ELMO1: variants seen among roughly 807,000 people sequenced by gnomAD.
The protein encoded by ELMO1 is engulfment and cell motility 1, also known as engulfment and cell motility protein 1.
Under a neutral mutation model 98.9 loss-of-function variants are expected in ELMO1, and 26 were observed. The observed-to-expected ratio is 0.26, with a 90% CI of 0.19 to 0.36. The LOEUF (loss-of-function observed/expected upper bound fraction) is 0.36. ELMO1 is among the 10% of genes least tolerant of loss of function. The pLI is 1.00. For missense variants in ELMO1, 627 were observed against 935.2 expected (o/e 0.67, Z 4.30); for synonymous variants, 346 against 346.0 (o/e 1.00, Z 0.00).
chr7:37,334,880 A>C (rs2723986), intron 2 of ELMO1, among the ~76,000 whole-genome samples: 150,984 of 152,316 alleles, frequency 0.99, 74,849 homozygotes, highest in Middle Eastern at 1. Flanking sequence ...AGGGAATTAA[A>C]CCCTTCCCAA....
chr7:37,077,465 A>G (rs1055743270), intron 15 of ELMO1, among the ~76,000 whole-genome samples: 1 of 152,146 alleles, frequency 6.6e-6, no homozygotes, highest in South Asian at 2.1e-4. Flanking sequence ...GCCTAAGAGG[A>G]ATCATGGCCC....
chr7:36,983,286 G>A (rs544155880), intron 16 of ELMO1, among the ~76,000 whole-genome samples: 1 of 152,356 alleles, frequency 6.6e-6, no homozygotes, highest in East Asian at 1.9e-4. Context: ...GGGGCATTTT[G>A]TGATGGGCTT....
At position 36,855,176 on chromosome 7, in the gene ELMO1, G is replaced by A. The variant is rs1584253703; in HGVS notation, c.*375C>T. On this transcript the variant is annotated 3_prime_UTR_variant, in exon 22 of 22. Coordinates refer to ENST00000310758, the MANE Select transcript of ELMO1 (RefSeq NM_014800.11). This position sits in a 1 kb window ranked among gnomAD's most constrained non-coding sequence, Gnocchi z 4.2. ...GCCTTGGGGCACTGCCCTTGGTCTG[G>A]TGGGCAAGTTTTTGGGCAGTCTGGG... The A allele has an allele frequency of 3.6e-6, 1 of 274,234 alleles. No homozygotes were observed. Among genetic ancestry groups the A allele is most frequent in the Admixed American group, 5.0e-5 (1 of 20,196 alleles). The allele number at this position is 274,234 out of a possible 1,614,324, so 17.0% of individuals were successfully genotyped here. A position where few individuals can be genotyped will look rare whatever the true frequency, so the allele number is the denominator to read the frequency against.
intron 4 of ELMO1, among the ~76,000 whole-genome samples, chr7:37,301,019 T>G (rs1357381337): frequency 1.3e-5 from 2 of 152,014 alleles, no homozygotes; most frequent in African/African-American, 4.8e-5. Flanking sequence ...GTCGAGGAAT[T>G]TATCCATTTC....
chr7:37,355,650 A>T (rs1412693646), intron 1 of ELMO1, among the ~76,000 whole-genome samples: 1 of 152,250 alleles, frequency 6.6e-6, no homozygotes, highest in Non-Finnish European at 1.5e-5. Context: ...CAAAGGCAGG[A>T]AGTCACAGAG....
At chr7:37,422,459 T>A (rs1237954737) in intron 1 of ELMO1, among the ~76,000 whole-genome samples, 1 of 152,226 alleles carries the variant, frequency 6.6e-6, no homozygotes, top group Non-Finnish European at 1.5e-5. Flanking sequence ...TCACAACACA[T>A]CAGCAACATT....
At chr7:36,975,845 G>GAAAAAAAAA (rs200193324) in intron 16 of ELMO1, among the ~76,000 whole-genome samples, 1 of 103,806 alleles carries the variant, frequency 9.6e-6, no homozygotes, top group Non-Finnish European at 2.0e-5. Flanking sequence ...ACACTTGCCT[G>GAAAAAAAAA]AAAAAAAAAA....
intron 19 of ELMO1, among the ~76,000 whole-genome samples, chr7:36,877,060 C>T (rs180948211): frequency 6.6e-6 from 1 of 152,176 alleles, no homozygotes; most frequent in Non-Finnish European, 1.5e-5. Flanking sequence ...GTTATTTTCA[C>T]CTTCAATGGC....
intron 18 of ELMO1, among the ~76,000 whole-genome samples, chr7:36,880,509 T>A (rs1804365685): frequency 6.6e-6 from 1 of 152,240 alleles, no homozygotes; most frequent in African/African-American, 2.4e-5. Context: ...GCTGCTCTAC[T>A]TTCAGGATAA....
In ELMO1 at chr7:37,008,599, C is replaced by T. The variant is rs143230662; in HGVS notation, c.1437+4700G>A. Reference sequence around the variant, plus strand: ...AAGAACACTCCACAACTACATATACCATTTTTACTTCCTCAGAGCATTTTT... The same window carrying T: ...AAGAACACTCCACAACTACATATACTATTTTTACTTCCTCAGAGCATTTTT... On this transcript the variant is annotated intron_variant, in intron 16 of 21. Coordinates refer to ENST00000310758, the MANE Select transcript of ELMO1 (RefSeq NM_014800.11). Among the ~76,000 whole-genome samples, 262 of 152,166 alleles carry T rather than the reference C, an allele frequency of 1.7e-3. 3 individuals are homozygous for T. Among genetic ancestry groups the T allele is most frequent in the African/African-American group, 6.2e-3 (256 of 41,498 alleles).
intron 1 of ELMO1, among the ~76,000 whole-genome samples, chr7:37,442,365 T>C (rs780748534): frequency 6.6e-6 from 1 of 152,214 alleles, no homozygotes; most frequent in Non-Finnish European, 1.5e-5. Context: ...TCTTAGTTGG[T>C]ATGAATCTAT....
At chr7:36,880,018 T>A (rs986597990) in intron 18 of ELMO1, among the ~76,000 whole-genome samples, 17 of 152,226 alleles carry the variant, frequency 1.1e-4, no homozygotes, top group African/African-American at 4.1e-4. Context: ...ACATCAACAG[T>A]GCTCTTGGGG....
chr7:37,127,345 TTCTC>T (rs1256257526), intron 14 of ELMO1, among the ~76,000 whole-genome samples: 1 of 152,164 alleles, frequency 6.6e-6, no homozygotes. Context: ...TTTCTAATTA[TTCTC>T]TCTTTGACTC....
intron 1 of ELMO1, chr7:37,393,921 G>A (rs1054814119): frequency 3.9e-5 from 6 of 152,222 alleles, no homozygotes; most frequent in Admixed American, 3.3e-4. Flanking sequence ...CTGCCCCCTA[G>A]ATGGGATAAA....
intron 15 of ELMO1, among the ~76,000 whole-genome samples, chr7:37,058,093 T>C (rs1796480779): frequency 6.6e-6 from 1 of 152,216 alleles, no homozygotes; most frequent in Non-Finnish European, 1.5e-5. Context: ...TGCATGCATG[T>C]ACACTCACAC....
At chr7:36,980,464 T>C (rs1020597856) in intron 16 of ELMO1, among the ~76,000 whole-genome samples, 2 of 152,178 alleles carry the variant, frequency 1.3e-5, no homozygotes. Flanking sequence ...AGTCACCAAG[T>C]CTAAACTTCA....
rs73348212 is a variant in ELMO1 at position 37,090,018 on chromosome 7, C to T, written c.1300+6601G>A. Among the ~76,000 whole-genome samples the T allele has an allele frequency of 5.8e-3, 878 of 152,254 alleles. 9 individuals are homozygous for T. The highest frequency in any genetic ancestry group is 0.02 in the African/African-American group (839 of 41,542). Reference sequence around the variant, plus strand: ...GAGAGAAAGTGTGCTGAAAGTCTTCCAAAAACACTTCTACACACCTAAAAG... The same window carrying T: ...GAGAGAAAGTGTGCTGAAAGTCTTCTAAAAACACTTCTACACACCTAAAAG... On this transcript the variant is annotated intron_variant, in intron 15 of 21. Coordinates refer to ENST00000310758, the MANE Select transcript of ELMO1 (RefSeq NM_014800.11).
At chr7:37,354,680 G>A (rs562650103) in intron 1 of ELMO1, among the ~76,000 whole-genome samples, 16 of 152,268 alleles carry the variant, frequency 1.1e-4, no homozygotes, top group Admixed American at 1.0e-3. Context: ...GCCAGTGGCT[G>A]CTCCCTTCCT....
At chr7:37,290,755 T>C (rs1453768615) in intron 4 of ELMO1, among the ~76,000 whole-genome samples, 2 of 152,222 alleles carry the variant, frequency 1.3e-5, no homozygotes, top group Non-Finnish European at 2.9e-5. Context: ...AATTAGTCCA[T>C]AAATTCAATT....
Sources: allele counts gnomAD v4.1 joint callset (sites outside exome capture counted in the v4.1 genomes callset), GRCh38; gene constraint gnomAD v4.1.1; non-coding constraint Gnocchi (gnomAD v3.1); transcripts MANE v1.5; gene names NCBI Gene and HGNC (gene_info 2026-07-23, HGNC 2026-07-21).